FBXL5: variants seen among roughly 807,000 people sequenced by gnomAD.
The protein encoded by FBXL5 is F-box/LRR-repeat protein 5.
A neutral mutation model predicts 78.3 loss-of-function variants in FBXL5; 26 were observed. The observed-to-expected ratio is 0.33, with a 90% CI of 0.24 to 0.46. The LOEUF (loss-of-function observed/expected upper bound fraction) is 0.46, where lower values mean the gene tolerates loss of function less well. Ranked by LOEUF, FBXL5 falls within the 20% of genes least tolerant of loss-of-function variation. The probability of loss-of-function intolerance (pLI) is 1.00; values close to 1 mark genes in which losing one functional copy is unlikely to be tolerated. For synonymous variants in FBXL5, 295 were observed against 282.5 expected (o/e 1.04, Z -0.45); for missense variants, 710 against 829.2 (o/e 0.86, Z 1.77).
chr4:15,627,129 C>CTTTTTTTTTTTTTTTTTTTTTTTTTT (rs1491071832), intron 7 of FBXL5, among the ~76,000 whole-genome samples, 174 bp from the exon 8 acceptor site: 1 of 85,660 alleles, frequency 1.2e-5, no homozygotes. Flanking sequence ...CCCTGAGAAT[C>CTTTTTTTTTTTTTTTTTTTTTTTTTT]TCTTTTTTTT....
intron 4 of FBXL5, among the ~76,000 whole-genome samples, chr4:15,637,755 C>A (rs1405473616): frequency 2.0e-5 from 3 of 152,118 alleles, no homozygotes; most frequent in Non-Finnish European, 4.4e-5. Context: ...TTAGTTTCAA[C>A]ATGCATTTCA....
chr4:15,627,971 C>G lies in FBXL5; in HGVS notation c.955G>C (p.Gly319Arg). ...TATGGTAGAACGTTATGAATTAAGC[C>G]ATGGAGTAAACGTTTTTCCATTTGT... ...IAQMEKRLLH[G>R]LIHNVLPYVG... Residue 319 changes from glycine to arginine, a missense_variant, in exon 7 of 11, where the codon GGC becomes CGC. Gly to Arg is a moderately radical substitution (Grantham distance 125). This residue lies in a region of FBXL5 where 517 missense variants were observed against 542.9 expected (regional missense o/e 0.95). Transcript: ENST00000341285. The G allele has an allele frequency of 6.2e-7, 1 of 1,613,650 alleles. No individual in the cohort carries two copies. Among genetic ancestry groups the G allele is most frequent in the Non-Finnish European group, 8.5e-7 (1 of 1,179,750 alleles).
intron 7 of FBXL5, 102 bp downstream of exon 7, chr4:15,627,783 T>C: frequency 9.0e-7 from 1 of 1,107,280 alleles, no homozygotes; most frequent in Non-Finnish European, 1.3e-6. Flanking sequence ...TCAATAATCA[T>C]TTTTGGGTTT....
chr4:15,658,538 G>C (rs1717131937), upstream of FBXL5, among the ~76,000 whole-genome samples: 1 of 152,152 alleles, frequency 6.6e-6, no homozygotes, highest in Non-Finnish European at 1.5e-5. Context: ...GGCTTTACAA[G>C]AGGAAGAAAG....
chr4:15,623,604 T>C (rs1040187546), intron 9 of FBXL5, among the ~76,000 whole-genome samples: 1 of 152,164 alleles, frequency 6.6e-6, no homozygotes. Flanking sequence ...CAAAATCATA[T>C]TACAGTTAGG....
rs774676644 is a variant in FBXL5 at position 15,625,427 on chromosome 4, T to G, written c.1675A>C (p.Thr559Pro). The G allele has an allele frequency of 2.5e-6, 4 of 1,614,142 alleles. No homozygotes were observed. Among genetic ancestry groups the G allele is most frequent in the Non-Finnish European group, 3.4e-6 (4 of 1,180,014 alleles). ...SFCCTGTALR[T>P]MSSLPESSAM... ...GAAGATTCTGGGAGTGATGACATAG[T>G]TCTTAAAGCTGTTCCTGTACAACAA... is the stretch of plus-strand genomic sequence containing the variant. The change falls in exon 9 of 11, where the codon ACT (threonine) becomes CCT (proline). Residue 559 changes from threonine to proline, a missense_variant. Coordinates refer to ENST00000341285, the MANE Select transcript of FBXL5 (RefSeq NM_012161.4).
intron 5 of FBXL5, 70 bp from the exon 6 acceptor site, chr4:15,630,861 C>T (rs11934401): frequency 0.039 from 61,489 of 1,566,586 alleles, 2,394 homozygotes; most frequent in East Asian, 0.22. Context: ...AAAAACTAAG[C>T]TATTTACGAT....
chr4:15,604,693 G>A lies in FBXL5; in HGVS notation c.*1030C>T, dbSNP rs1288519496. The stretch of plus-strand genomic sequence containing the variant: ...TATGCCTGTATCTGTATCAATAGGA[G>A]GAACATTGCCATTTTCTTCTACATG... On this transcript the variant is annotated 3_prime_UTR_variant, in exon 11 of 11. Transcript: ENST00000341285. 1 of 152,142 alleles carries A rather than the reference G, an allele frequency of 6.6e-6. No individual in the cohort carries two copies. Among genetic ancestry groups the A allele is most frequent in the African/African-American group, 2.4e-5 (1 of 41,418 alleles). 9.4% of individuals were successfully genotyped at this position (152,142 alleles called of 1,614,324 possible). A position where few individuals can be genotyped will look rare whatever the true frequency, so the allele number is the denominator to read the frequency against.
At chr4:15,653,870 G>A (rs1340208801) in intron 1 of FBXL5, among the ~76,000 whole-genome samples, 2 of 152,158 alleles carry the variant, frequency 1.3e-5, no homozygotes, top group African/African-American at 2.4e-5. Flanking sequence ...TGATGTCTGG[G>A]TGAAATCCTA....
At chr4:15,665,791 C>T (rs1433980645) in intron 1 of FBXL5, among the ~76,000 whole-genome samples, 13 of 152,068 alleles carry the variant, frequency 8.5e-5, no homozygotes, top group Non-Finnish European at 1.8e-4. Flanking sequence ...AAAAAAAGAA[C>T]CCAGTAAAAT....
intron 1 of FBXL5, among the ~76,000 whole-genome samples, chr4:15,650,303 T>C (rs1715840770): frequency 6.6e-6 from 1 of 152,242 alleles, no homozygotes; most frequent in South Asian, 2.1e-4. Flanking sequence ...TGACCTTCAG[T>C]ATGAAATATA....
At chr4:15,655,161 GCCGCCCGCA>G in intron 1 of FBXL5, 34 bp downstream of exon 1, 1 of 1,343,494 alleles carries the variant, frequency 7.4e-7, no homozygotes, top group Non-Finnish European at 9.8e-7. Context: ...GCTCCCCATC[GCCGCCCGCA>G]CCGCCCACAG....
At chr4:15,620,060 C>A (rs1223184134) in intron 9 of FBXL5, among the ~76,000 whole-genome samples, 1 of 152,022 alleles carries the variant, frequency 6.6e-6, no homozygotes, top group Non-Finnish European at 1.5e-5. Context: ...CAGAGCAAGA[C>A]CCTGTCTCAA....
Position 15,625,854 on chromosome 4 carries a change from A to G in FBXL5, c.1248T>C (p.Ser416=). The G allele has an allele frequency of 6.2e-7, 1 of 1,614,160 alleles. No homozygotes were observed. The change falls in exon 9 of 11, where the codon AGT becomes AGC. Residue 416 remains serine, a synonymous_variant. Coordinates refer to ENST00000341285, the MANE Select transcript of FBXL5 (RefSeq NM_012161.4). ...RALGILTSHQ[S]GFLKTSTSKI... is the part of the protein sequence containing the mutation. Reference sequence around the variant, plus strand: ...TGCTTGTAGATGTTTTCAAAAAGCCACTTTGATGAGATGTCAGAATTCCAA... The same window carrying G: ...TGCTTGTAGATGTTTTCAAAAAGCCGCTTTGATGAGATGTCAGAATTCCAA...
In FBXL5 at chr4:15,625,249, C is replaced by A; in HGVS notation, c.1850+3G>T. 6.3e-7 allele frequency: 1 copy of A among 1,585,278 alleles called. No individual in the cohort carries two copies. Among genetic ancestry groups the A allele is most frequent in the South Asian group, 1.1e-5 (1 of 87,962 alleles). On this transcript the variant is annotated splice_donor_region_variant and intron_variant, in intron 9 of 10. Transcript: ENST00000341285. ...TCTTAATATTCTGGAACTGATAACTCACCTGAGACCATGGTCTGTGATCTG... is the reference window on the plus strand; with the variant it reads ...TCTTAATATTCTGGAACTGATAACTAACCTGAGACCATGGTCTGTGATCTG...
Position 15,605,737 on chromosome 4 carries a change from G to T in FBXL5, c.2062C>A (p.Arg688Ser). 6.2e-7 allele frequency: 1 copy of T among 1,613,548 alleles called. No individual in the cohort carries two copies. Among genetic ancestry groups the T allele is most frequent in the South Asian group, 1.1e-5 (1 of 91,028 alleles). Residue 688 changes from arginine (R) to serine (S), a missense_variant, in exon 11 of 11, where the codon CGC becomes AGC. Physicochemically the swap from Arg to Ser is moderately radical, Grantham distance 110. This residue lies in a region of FBXL5 where 58 missense variants were observed against 112.3 expected (regional missense o/e 0.52). Transcript: ENST00000341285. ...NLQCGFRACCRSGE is the reference protein window; with the variant it reads ...NLQCGFRACCSSGE ...GAAGTCAAGGGTCATTCGCCAGAGC[G>T]GCAGCAGGCTCGAAAACCACACTGC...
chr4:15,605,716 T>A lies in FBXL5; in HGVS notation c.*7A>T. On this transcript the variant is annotated 3_prime_UTR_variant, in exon 11 of 11. Transcript: ENST00000341285. ...AAATGAAGTAGACAAAGATCAGAAG[T>A]CAAGGGTCATTCGCCAGAGCGGCAG... The A allele has an allele frequency of 1.9e-6, 3 of 1,612,704 alleles. No individual in the cohort carries two copies. Among genetic ancestry groups the A allele is most frequent in the Non-Finnish European group, 2.5e-6 (3 of 1,179,154 alleles).
chr4:15,612,910 T>A (rs1023290478), intron 9 of FBXL5, among the ~76,000 whole-genome samples: 2 of 152,180 alleles, frequency 1.3e-5, no homozygotes, highest in African/African-American at 4.8e-5. Context: ...TGAATGTTCA[T>A]AGTAGCATTA....
At chr4:15,678,200 TAA>T (rs1357506506) in intron 1 of FBXL5, among the ~76,000 whole-genome samples, 1 of 152,226 alleles carries the variant, frequency 6.6e-6, no homozygotes, top group Non-Finnish European at 1.5e-5. Flanking sequence ...TCATAGGTGT[TAA>T]GTCTCAAAAC....
Sources: allele counts gnomAD v4.1 joint callset (sites outside exome capture counted in the v4.1 genomes callset), GRCh38; gene constraint gnomAD v4.1.1; regional missense constraint gnomAD v4.1.1; transcripts MANE v1.5; gene names NCBI Gene and HGNC (gene_info 2026-07-23, HGNC 2026-07-21).